ASAP1: variants seen among roughly 807,000 people sequenced by gnomAD.
ASAP1 encodes arf-GAP with SH3 domain, ANK repeat and PH domain-containing protein 1.
Under a neutral mutation model 145.2 loss-of-function variants are expected in ASAP1, and 43 were observed. The observed-to-expected ratio is 0.30, with a 90% CI of 0.23 to 0.38. The LOEUF is 0.38. Ranked by LOEUF, ASAP1 falls within the 10% of genes least tolerant of loss-of-function variation. The pLI is 1.00. For missense variants in ASAP1, 1,018 were observed against 1,355.3 expected, an observed-to-expected ratio of 0.75 and a Z score of 3.91; for synonymous variants, 546 against 515.5, an observed-to-expected ratio of 1.06 and a Z score of -0.80.
At chr8:130,164,135 G>A (rs1423649239) in intron 11 of ASAP1, among the ~76,000 whole-genome samples, 2 of 152,176 alleles carry the variant, frequency 1.3e-5, no homozygotes, top group Non-Finnish European at 2.9e-5. Flanking sequence ...CTACAGGACA[G>A]ATACTGTGAC....
In ASAP1 at chr8:130,112,128, C is replaced by A; in HGVS notation, c.2367G>T (p.Glu789Asp). Residue 789 changes from glutamate (E) to aspartate (D), a missense_variant, in exon 24 of 30, where the codon GAG becomes GAT. By Grantham distance (45) the Glu-to-Asp change is conservative. Coordinates refer to ENST00000518721, the MANE Select transcript of ASAP1 (RefSeq NM_018482.4). Reference sequence around the variant, plus strand: ...CGTTCCTAGGAGGCAGAGGGGGAGCCTCCGTGGTTGGTGATGTGGGCGAGT... The same window carrying A: ...CGTTCCTAGGAGGCAGAGGGGGAGCATCCGTGGTTGGTGATGTGGGCGAGT... ...STDSPTSPTTEAPPLPPRNAG... is the reference protein window; with the variant it reads ...STDSPTSPTTDAPPLPPRNAG... The A allele has an allele frequency of 6.2e-7, 1 of 1,614,134 alleles. No homozygotes were observed. The highest frequency in any genetic ancestry group is 8.5e-7 in the Non-Finnish European group (1 of 1,180,022).
intron 3 of ASAP1, among the ~76,000 whole-genome samples, chr8:130,243,188 T>G (rs530929884): frequency 6.6e-6 from 1 of 152,252 alleles, no homozygotes; most frequent in Admixed American, 6.5e-5. Context: ...TGGTAAGGCT[T>G]CTGATAAGAT....
chr8:130,297,967 A>G (rs1443651228), intron 3 of ASAP1, among the ~76,000 whole-genome samples: 1 of 152,164 alleles, frequency 6.6e-6, no homozygotes, highest in East Asian at 1.9e-4. Context: ...CATAACTGGG[A>G]GCTGAAACAT....
At chr8:130,286,480 T>C (rs1821620974) in intron 3 of ASAP1, among the ~76,000 whole-genome samples, 1 of 152,170 alleles carries the variant, frequency 6.6e-6, no homozygotes, top group Non-Finnish European at 1.5e-5. Context: ...CATGTACTGA[T>C]GGAGTTGTAG....
In ASAP1 at chr8:130,053,182, G is replaced by C. The variant is rs887966591; in HGVS notation, c.*1549C>G. ...GAGGGCTTTTCCTAAGGGTTGGGTT[G>C]GGAGTTGTGCTTCTGTGAAATTAAC... On this transcript the variant is annotated 3_prime_UTR_variant, in exon 30 of 30. Transcript: ENST00000518721. The C allele has an allele frequency of 6.6e-5, 10 of 152,204 alleles. No individual in the cohort carries two copies. The highest frequency in any genetic ancestry group is 2.2e-4 in the African/African-American group (9 of 41,450). The allele number at this position is 152,204 out of a possible 1,614,324, so 9.4% of individuals were successfully genotyped here.
intron 5 of ASAP1, among the ~76,000 whole-genome samples, chr8:130,189,367 A>G (rs141721054): frequency 6.6e-6 from 1 of 152,028 alleles, no homozygotes; most frequent in African/African-American, 2.4e-5. Context: ...CTCTATCTCT[A>G]TGAGATCAAT....
chr8:130,068,753 GT>G (rs976426298), intron 27 of ASAP1, among the ~76,000 whole-genome samples: 3 of 152,224 alleles, frequency 2.0e-5, no homozygotes, highest in African/African-American at 4.8e-5. Context: ...CAAATGTCAA[GT>G]GGGACACCCC....
intron 3 of ASAP1, among the ~76,000 whole-genome samples, chr8:130,307,722 T>C (rs1017659837): frequency 2.0e-5 from 3 of 152,164 alleles, no homozygotes; most frequent in Admixed American, 2.0e-4. Flanking sequence ...CATTTCCCAA[T>C]TCCCACGCTC....
At chr8:130,332,277 C>T (rs1446008552) in intron 3 of ASAP1, among the ~76,000 whole-genome samples, 3 of 152,150 alleles carry the variant, frequency 2.0e-5, no homozygotes, top group Non-Finnish European at 4.4e-5. Flanking sequence ...ACCATATCAC[C>T]AATGGCAGGG....
At position 130,300,147 on chromosome 8, in the gene ASAP1, C is replaced by G. The variant is rs372442132; in HGVS notation, c.186+57870G>C. Among the ~76,000 whole-genome samples the G allele has an allele frequency of 7.3e-3, 732 of 100,082 alleles. 12 individuals carry two copies. The highest frequency in any genetic ancestry group is 0.029 in the African/African-American group (684 of 23,780). 65.7% of individuals were successfully genotyped at this position (100,082 alleles called of 152,430 possible). A position where few individuals can be genotyped will look rare whatever the true frequency, so the allele number is the denominator to read the frequency against. ...ACACACACACACACACACACACACA[C>G]ACACACAGAGAGAGAGAGAGAGAGA... On this transcript the variant is annotated intron_variant, in intron 3 of 29. Coordinates refer to ENST00000518721, the MANE Select transcript of ASAP1 (RefSeq NM_018482.4).
chr8:130,404,060 C>T (rs966056476), intron 1 of ASAP1, among the ~76,000 whole-genome samples: 3 of 152,156 alleles, frequency 2.0e-5, no homozygotes, highest in Non-Finnish European at 4.4e-5. Context: ...AATTATGTTT[C>T]AACGTGAAGA....
intron 27 of ASAP1, among the ~76,000 whole-genome samples, chr8:130,062,085 T>C (rs530531561): frequency 6.6e-6 from 1 of 152,338 alleles, no homozygotes; most frequent in Admixed American, 6.5e-5. Flanking sequence ...GCTGTAAGCA[T>C]TATGCAGTAG....
intron 5 of ASAP1, 98 bp downstream of exon 5, chr8:130,214,458 C>T (rs893421027): frequency 1.6e-6 from 2 of 1,258,218 alleles, no homozygotes; most frequent in African/African-American, 1.5e-5. Context: ...ACCCCTAGGA[C>T]CAAGGATTGA....
intron 25 of ASAP1, chr8:130,084,763 T>C (rs1245147323): frequency 6.6e-6 from 1 of 151,884 alleles, no homozygotes; most frequent in Admixed American, 6.6e-5. Context: ...AATAAGTAGA[T>C]ATGTAATAAA....
intron 29 of ASAP1, among the ~76,000 whole-genome samples, chr8:130,055,284 T>C (rs974046251): frequency 2.8e-5 from 4 of 143,038 alleles, no homozygotes; most frequent in Non-Finnish European, 4.5e-5. Flanking sequence ...GCTTGTGTGA[T>C]ACATTTAAAA....
intron 3 of ASAP1, among the ~76,000 whole-genome samples, chr8:130,346,043 T>C (rs942708370): frequency 1.3e-5 from 2 of 152,220 alleles, no homozygotes; most frequent in Admixed American, 6.5e-5. Context: ...CTTAACCGTA[T>C]TTGGAAAACT....
intron 24 of ASAP1, among the ~76,000 whole-genome samples, chr8:130,111,597 G>T (rs987736520): frequency 2.6e-5 from 4 of 152,184 alleles, no homozygotes; most frequent in Non-Finnish European, 4.4e-5. Flanking sequence ...CATAAGGCAA[G>T]TGCTCCATAA....
intron 3 of ASAP1, among the ~76,000 whole-genome samples, chr8:130,337,773 A>G (rs374029593): frequency 1.3e-5 from 2 of 152,300 alleles, no homozygotes; most frequent in East Asian, 1.9e-4. Flanking sequence ...AATCTCACCC[A>G]TCCACCAAAA....
At chr8:130,296,470 T>TC (rs1822281423) in intron 3 of ASAP1, among the ~76,000 whole-genome samples, 1 of 150,866 alleles carries the variant, frequency 6.6e-6, no homozygotes, top group Non-Finnish European at 1.5e-5. Flanking sequence ...TAAGCAGGGG[T>TC]CCCTGTGCTA....
Sources: allele counts gnomAD v4.1 joint callset (sites outside exome capture counted in the v4.1 genomes callset), GRCh38; gene constraint gnomAD v4.1.1; transcripts MANE v1.5; gene names NCBI Gene and HGNC (gene_info 2026-07-23, HGNC 2026-07-21).